Variants in ABCA13 observed in about 807,000 individuals in gnomAD.
ABCA13 encodes ATP binding cassette subfamily A member 13.
Under a neutral mutation model 478.7 loss-of-function variants are expected in ABCA13, and 476 were observed. The ratio of observed to expected loss-of-function variants is 0.99; its 90% CI spans 0.92 to 1.07. The LOEUF (loss-of-function observed/expected upper bound fraction) is 1.07, where lower values mean the gene tolerates loss of function less well. Among genes scored for constraint, ABCA13 ranks in the 50% least tolerant of loss-of-function variants. The pLI, the probability that ABCA13 is intolerant of heterozygous loss-of-function variation, is 0.00. For synonymous variants in ABCA13, 2,252 were observed against 2,158.9 expected, an observed-to-expected ratio of 1.04 and a Z score of -1.20; for missense variants, 6,060 against 5,910.6, an observed-to-expected ratio of 1.03 and a Z score of -0.83.
At chr7:48,210,754 C>CT (rs544861002) in intron 3 of ABCA13, among the ~76,000 whole-genome samples, 3 of 151,716 alleles carry the variant, frequency 2.0e-5, no homozygotes, top group Non-Finnish European at 4.4e-5. Flanking sequence ...ATTTTGTGGC[C>CT]TAATATATAA....
intron 59 of ABCA13, among the ~76,000 whole-genome samples, chr7:48,620,022 A>G (rs1325099179): frequency 6.6e-6 from 1 of 152,182 alleles, no homozygotes; most frequent in Admixed American, 6.5e-5. Context: ...AAGGACAGGA[A>G]GTGAAGTAGG....
chr7:48,188,554 AC>A (rs1796663260), intron 1 of ABCA13, among the ~76,000 whole-genome samples: 1 of 151,348 alleles, frequency 6.6e-6, no homozygotes, highest in Non-Finnish European at 1.5e-5. Context: ...TGCTCTAGAA[AC>A]TTTTTTTTCT....
chr7:48,478,430 A>C (rs1402562939), intron 45 of ABCA13, among the ~76,000 whole-genome samples: 1 of 151,862 alleles, frequency 6.6e-6, no homozygotes, highest in African/African-American at 2.4e-5. Flanking sequence ...TTTGCTAAAA[A>C]ATCAACTCTA....
At chr7:48,242,493 A>G (rs188189774) in intron 10 of ABCA13, among the ~76,000 whole-genome samples, 60 of 152,106 alleles carry the variant, frequency 3.9e-4, no homozygotes, top group African/African-American at 1.4e-3. Context: ...GCTGAAGTGC[A>G]ATGGCGCGAT....
intron 5 of ABCA13, among the ~76,000 whole-genome samples, chr7:48,222,250 T>G (rs967430052): frequency 2.0e-5 from 3 of 152,176 alleles, no homozygotes; most frequent in Non-Finnish European, 2.9e-5. Flanking sequence ...CTCAAAATCT[T>G]ACAAATAATG....
At chr7:48,562,107 G>C (rs947839267) in intron 55 of ABCA13, among the ~76,000 whole-genome samples, 20 of 136,690 alleles carry the variant, frequency 1.5e-4, no homozygotes, top group South Asian at 4.4e-4. Context: ...ATATGTATGG[G>C]GGGGGAGGTG....
chr7:48,366,428 C>G (rs928953970), intron 31 of ABCA13, among the ~76,000 whole-genome samples: 3 of 151,998 alleles, frequency 2.0e-5, no homozygotes, highest in African/African-American at 7.2e-5. Flanking sequence ...TTTATCACTA[C>G]CTGATATTAT....
intron 44 of ABCA13, among the ~76,000 whole-genome samples, chr7:48,470,813 A>G (rs1827407908): frequency 6.6e-6 from 1 of 152,218 alleles, no homozygotes; most frequent in African/African-American, 2.4e-5. Flanking sequence ...AAGCAGGGCT[A>G]GTAAGGATGG....
intron 25 of ABCA13, 128 bp from the exon 26 acceptor site, chr7:48,314,104 A>G: frequency 9.0e-7 from 1 of 1,116,922 alleles, no homozygotes; most frequent in Non-Finnish European, 1.3e-6. Flanking sequence ...TAAAGCAGAC[A>G]TTCCATTCTT....
intron 48 of ABCA13, among the ~76,000 whole-genome samples, chr7:48,502,918 C>G (rs1054237757): frequency 6.6e-6 from 1 of 152,170 alleles, no homozygotes; most frequent in Non-Finnish European, 1.5e-5. Flanking sequence ...ATTTTCCTCT[C>G]CTCCTTTTTG....
Position 48,352,507 on chromosome 7 carries a change from A to C in ABCA13, c.10688+20A>C. 6.4e-7 allele frequency: 1 copy of C among 1,560,720 alleles called. No individual in the cohort carries two copies. The highest frequency in any genetic ancestry group is 8.7e-7 in the Non-Finnish European group (1 of 1,151,358). ...CGACCTGTGAGTAGCCTGGGGCAGG[A>C]GCCACCGACAGTGAGAAGGGCCTTG... On this transcript the variant is annotated intron_variant, in intron 31 of 61. Transcript: ENST00000435803.
At chr7:48,245,280 G>C (rs1358027578) in intron 11 of ABCA13, among the ~76,000 whole-genome samples, 5 of 152,146 alleles carry the variant, frequency 3.3e-5, no homozygotes, top group Admixed American at 2.6e-4. Flanking sequence ...AAAAGTGAGG[G>C]GGGATGTTAC....
At chr7:48,454,307 G>A (rs1395786886) in intron 42 of ABCA13, among the ~76,000 whole-genome samples, 1 of 152,206 alleles carries the variant, frequency 6.6e-6, no homozygotes, top group Non-Finnish European at 1.5e-5. Context: ...TCCACAGCTT[G>A]TTTGGAACGT....
chr7:48,580,443 C>A, intron 56 of ABCA13, 69 bp downstream of exon 56: 1 of 1,490,286 alleles, frequency 6.7e-7, no homozygotes, highest in Non-Finnish European at 9.2e-7. Flanking sequence ...CCTCTGGCTC[C>A]AAGGCAGCTC....
At chr7:48,448,968 G>A (rs1198584463) in intron 42 of ABCA13, among the ~76,000 whole-genome samples, 1 of 151,982 alleles carries the variant, frequency 6.6e-6, no homozygotes, top group Non-Finnish European at 1.5e-5. Context: ...TCAGCCTCCT[G>A]AGTAGCTGGG....
chr7:48,248,215 G>C, intron 13 of ABCA13, 24 bp from the exon 14 acceptor site: 1 of 1,591,240 alleles, frequency 6.3e-7, no homozygotes, highest in South Asian at 1.1e-5. Context: ...TTTATTATAA[G>C]CAATATCTTC....
At chr7:48,277,271 G>A (rs1481816675) in intron 17 of ABCA13, among the ~76,000 whole-genome samples, 1 of 152,146 alleles carries the variant, frequency 6.6e-6, no homozygotes, top group African/African-American at 2.4e-5. Context: ...GGGGCGCTGC[G>A]GGCATGAGTG....
chr7:48,389,243 C>T, intron 37 of ABCA13, 23 bp downstream of exon 37: 1 of 1,592,422 alleles, frequency 6.3e-7, no homozygotes, highest in Non-Finnish European at 8.6e-7. Context: ...TTACCCTTAT[C>T]AAACACTGGG....
In ABCA13 at chr7:48,615,319, G is replaced by A. The variant is rs1482622920; in HGVS notation, c.14779G>A (p.Ala4927Thr). 1.5e-5 allele frequency: 23 copies of A among 1,582,028 alleles called. No individual in the cohort carries two copies. Among genetic ancestry groups the A allele is most frequent in the Non-Finnish European group, 2.0e-5 (23 of 1,162,466 alleles). ...GTGTGAGGCTCTTTGCACAAGACTG[G>A]CCATAATGGTTAACGGCAGCTTCAA... ...EECEALCTRL[A>T]IMVNGSFKCL... Residue 4927 changes from alanine (A) to threonine (T), a missense_variant, in exon 59 of 62, where the codon GCC (alanine) becomes ACC (threonine). By Grantham distance (58) the Ala-to-Thr change is moderately conservative. This residue lies in a region of ABCA13 where 1,627 missense variants were observed against 1,571.0 expected (regional missense o/e 1.04). Transcript: ENST00000435803.
Sources: gnomAD v4.1 joint callset for allele counts (sites outside exome capture counted in the v4.1 genomes callset) on GRCh38, gnomAD v4.1.1 for gene constraint, gnomAD v4.1.1 regional missense constraint, MANE v1.5 for transcripts, NCBI Gene and HGNC (gene_info 2026-07-23, HGNC 2026-07-21) for gene names.